KCNJ8: variants seen among roughly 807,000 people sequenced by gnomAD.
The protein encoded by KCNJ8 is potassium inwardly rectifying channel subfamily J member 8, also known as ATP-sensitive inward rectifier potassium channel 8.
Under a neutral mutation model 28.2 loss-of-function variants are expected in KCNJ8, and 13 were observed. The ratio of observed to expected loss-of-function variants is 0.46; its 90% CI spans 0.30 to 0.73. KCNJ8 has a LOEUF of 0.73. KCNJ8 is among the 30% of genes least tolerant of loss of function. The pLI is 0.07. For synonymous variants in KCNJ8, 188 were observed against 195.9 expected (o/e 0.96, Z 0.34); for missense variants, 284 against 542.6 (o/e 0.52, Z 4.73).
chr12:21,767,542 T>A (rs1281224085), intron 2 of KCNJ8, among the ~76,000 whole-genome samples: 2 of 152,156 alleles, frequency 1.3e-5, no homozygotes. Flanking sequence ...CCTCATGATC[T>A]GAGGTGGGAC....
In KCNJ8 at chr12:21,773,465, C is replaced by T; in HGVS notation, c.152G>A (p.Arg51His). The T allele has an allele frequency of 6.2e-7, 1 of 1,614,270 alleles. No homozygotes were observed. Among genetic ancestry groups the T allele is most frequent in the Non-Finnish European group, 8.5e-7 (1 of 1,180,048 alleles). The change falls in exon 2 of 3, where the codon CGT becomes CAT. Residue 51 changes from arginine to histidine, a missense_variant. Around this residue, in one of 8 missense-constraint regions of KCNJ8, gnomAD observed 54 missense variants for 77.5 expected, o/e 0.70. Coordinates refer to ENST00000240662, the MANE Select transcript of KCNJ8 (RefSeq NM_004982.4). The surrounding 1 kb of genome is among the most constrained non-coding windows in gnomAD (Gnocchi z 4.6). The part of the protein sequence containing the change: ...GACNLAHKNI[R>H]EQGRFLQDIF... ...GTCCTGTAGAAAGCGTCCTTGCTCA[C>T]GGATGTTCTTATGCGCCAGGTTGCA...
intron 1 of KCNJ8, among the ~76,000 whole-genome samples, chr12:21,774,321 A>C (rs1375130566): frequency 6.6e-6 from 1 of 151,586 alleles, no homozygotes; most frequent in Non-Finnish European, 1.5e-5. Flanking sequence ...TAATATTATA[A>C]ATTGAAAACT....
chr12:21,772,299 A>T (rs1940778030), intron 2 of KCNJ8, among the ~76,000 whole-genome samples: 1 of 152,170 alleles, frequency 6.6e-6, no homozygotes, highest in Non-Finnish European at 1.5e-5. Flanking sequence ...ATGTTTTGGA[A>T]AATTTTCCAG....
At position 21,765,780 on chromosome 12, in the gene KCNJ8, C is replaced by A; in HGVS notation, c.1218G>T (p.Met406Ile). ...GAGTCATAAATTGCACCTTTGGTAC[C>A]ATGAGGGAAGAATTGTTCCTTCGGA... ...NSIRRNNSSL[M>I]VPKVQFMTPE... The change falls in exon 3 of 3, where the codon ATG (methionine) becomes ATT (isoleucine). Residue 406 changes from methionine (M) to isoleucine (I), a missense_variant. By Grantham distance (10) the Met-to-Ile change is conservative. Transcript: ENST00000240662. 6.2e-7 allele frequency: 1 copy of A among 1,614,120 alleles called. No homozygotes were observed. Among genetic ancestry groups the A allele is most frequent in the East Asian group, 2.2e-5 (1 of 44,880 alleles).
Position 21,773,596 on chromosome 12 carries a change from G to T in KCNJ8, c.21C>A (p.Ile7=). 6.2e-7 allele frequency: 1 copy of T among 1,613,426 alleles called. No homozygotes were observed. The part of the protein sequence containing the change: MLARKS[I]IPEEYVLARI... ...GCGCCAGCACATACTCCTCCGGGAT[G>T]ATACTCTTTCTGGCCAACATCGTCC... Residue 7 remains isoleucine (I), a synonymous_variant, in exon 2 of 3, where the codon ATC becomes ATA. Transcript: ENST00000240662. This position sits in a 1 kb window ranked among gnomAD's most constrained non-coding sequence, Gnocchi z 4.6.
chr12:21,773,133 C>G lies in KCNJ8; in HGVS notation c.374+110G>C. The stretch of plus-strand genomic sequence containing the variant: ...TTTTTTGTTTCTGAAGATTCTAAAA[C>G]AAACCCTTTATTTCACTTTCAATTA... On this transcript the variant is annotated intron_variant, in intron 2 of 2. Coordinates refer to ENST00000240662, the MANE Select transcript of KCNJ8 (RefSeq NM_004982.4). The surrounding 1 kb of genome is among the most constrained non-coding windows in gnomAD (Gnocchi z 4.6). 1 of 1,305,636 alleles carries G rather than the reference C, an allele frequency of 7.7e-7. No individual in the cohort carries two copies. Among genetic ancestry groups the G allele is most frequent in the Non-Finnish European group, 1.1e-6 (1 of 915,934 alleles). 80.9% of individuals were successfully genotyped at this position (1,305,636 alleles called of 1,614,324 possible).
Position 21,773,308 on chromosome 12 carries a change from A to T in KCNJ8, c.309T>A (p.Ala103=), listed in dbSNP as rs2137051886. The T allele has an allele frequency of 6.2e-7, 1 of 1,614,132 alleles. No homozygotes were observed. Among genetic ancestry groups the T allele is most frequent in the East Asian group, 2.2e-5 (1 of 44,874 alleles). The change falls in exon 2 of 3, where the codon GCT becomes GCA. Residue 103 remains alanine (A), a synonymous_variant. Coordinates refer to ENST00000240662, the MANE Select transcript of KCNJ8 (RefSeq NM_004982.4). This position sits in a 1 kb window ranked among gnomAD's most constrained non-coding sequence, Gnocchi z 4.6. ...TCTCCATTCCACTTTTCTCCATGTA[A>T]GCATAGATGTCCCCATGGGCAAAGG... The part of the protein sequence containing the change: ...LVAFAHGDIY[A]YMEKSGMEKS...
intron 2 of KCNJ8, among the ~76,000 whole-genome samples, chr12:21,771,373 C>T (rs1056922528): frequency 6.6e-6 from 1 of 152,092 alleles, no homozygotes; most frequent in Non-Finnish European, 1.5e-5. Flanking sequence ...TTAGCTGTTT[C>T]TTTGTTCTGT....
In KCNJ8 at chr12:21,773,281, T is replaced by C. The variant is rs913826938; in HGVS notation, c.336A>G (p.Lys112=). 2.5e-6 allele frequency: 4 copies of C among 1,613,828 alleles called. No homozygotes were observed. The highest frequency in any genetic ancestry group is 3.4e-6 in the Non-Finnish European group (4 of 1,179,988). Residue 112 remains lysine (K), a synonymous_variant, in exon 2 of 3, where the codon AAA becomes AAG. Coordinates refer to ENST00000240662, the MANE Select transcript of KCNJ8 (RefSeq NM_004982.4). The surrounding 1 kb of genome is among the most constrained non-coding windows in gnomAD (Gnocchi z 4.6). ...CACACACAGTGGACTCCAAACCACT[T>C]TTCTCCATTCCACTTTTCTCCATGT... The part of the protein sequence containing the change: ...YAYMEKSGME[K]SGLESTVCVT...
At position 21,765,948 on chromosome 12, in the gene KCNJ8, A is replaced by G; in HGVS notation, c.1050T>C (p.Ala350=). The change falls in exon 3 of 3, where the codon GCT becomes GCC. Residue 350 remains alanine (A), a synonymous_variant. Transcript: ENST00000240662. ...SKFGNTVKVA[A]PRCSARELDE... is the part of the protein sequence containing the mutation. ...CCAGCTCTCGGGCACTGCACCGTGG[A>G]GCAGCTACTTTAACAGTGTTGCCAA... 8 of 1,614,192 alleles carry G rather than the reference A, an allele frequency of 5.0e-6. No individual in the cohort carries two copies. Among genetic ancestry groups the G allele is most frequent in the Non-Finnish European group, 6.8e-6 (8 of 1,180,006 alleles).
chr12:21,773,882 AAAG>A lies in KCNJ8; in HGVS notation c.-70-199_-70-197del, dbSNP rs557911284. Reference sequence around the variant, plus strand: ...CAGAAAAATTACTTGGTTTTAATAAAAAGAACTGTTTCAATTTTTCTTATTCTG... The same window carrying A: ...CAGAAAAATTACTTGGTTTTAATAAAAACTGTTTCAATTTTTCTTATTCTG... On this transcript the variant is annotated intron_variant, in intron 1 of 2. Coordinates refer to ENST00000240662, the MANE Select transcript of KCNJ8 (RefSeq NM_004982.4). The surrounding 1 kb of genome is among the most constrained non-coding windows in gnomAD (Gnocchi z 4.6). Among the ~76,000 whole-genome samples, 23 of 152,358 alleles carry A rather than the reference AAAG, an allele frequency of 1.5e-4. No homozygotes were observed. The South Asian group carries it at 3.9e-3, about 26-fold the overall frequency.
intron 2 of KCNJ8, among the ~76,000 whole-genome samples, chr12:21,771,144 G>A (rs1486119012): frequency 6.6e-6 from 1 of 152,166 alleles, no homozygotes; most frequent in Non-Finnish European, 1.5e-5. Flanking sequence ...GGACCCCAGA[G>A]AAGGGGTATG....
chr12:21,766,227 A>G lies in KCNJ8; in HGVS notation c.771T>C (p.Asn257=). ...TCAAAGGGGCCACCAGAAAAATGTT[A>G]TTGCTCTCGATTGGGTTATCAACAG... ...DIPVDNPIES[N]NIFLVAPLII... is the part of the protein sequence containing the mutation. Residue 257 remains asparagine (N), a synonymous_variant, in exon 3 of 3, where the codon AAT becomes AAC. Transcript: ENST00000240662. This position sits in a 1 kb window ranked among gnomAD's most constrained non-coding sequence, Gnocchi z 6.5. 6.2e-7 allele frequency: 1 copy of G among 1,614,022 alleles called. No individual in the cohort carries two copies. Among genetic ancestry groups the G allele is most frequent in the Non-Finnish European group, 8.5e-7 (1 of 1,179,986 alleles).
Position 21,766,127 on chromosome 12 carries a change from C to T in KCNJ8, c.871G>A (p.Glu291Lys). ...ACTCCTTCCAGAATAACTATGACCTCCAAGTCTTGGTTGGCCAGGTCAGTT... is the reference window on the plus strand; with the variant it reads ...ACTCCTTCCAGAATAACTATGACCTTCAAGTCTTGGTTGGCCAGGTCAGTT... ...SATDLANQDL[E>K]VIVILEGVVE... Residue 291 changes from glutamate to lysine, a missense_variant, in exon 3 of 3, where the codon GAG (glutamate) becomes AAG (lysine). By Grantham distance (56) the Glu-to-Lys change is moderately conservative. Transcript: ENST00000240662. This position sits in a 1 kb window ranked among gnomAD's most constrained non-coding sequence, Gnocchi z 6.5. 1 of 1,614,164 alleles carries T rather than the reference C, an allele frequency of 6.2e-7. No individual in the cohort carries two copies. The highest frequency in any genetic ancestry group is 8.5e-7 in the Non-Finnish European group (1 of 1,180,022).
chr12:21,770,435 C>T (rs1940731438), intron 2 of KCNJ8, among the ~76,000 whole-genome samples: 1 of 152,122 alleles, frequency 6.6e-6, no homozygotes, highest in African/African-American at 2.4e-5. Context: ...TTGCAATGGT[C>T]TGGAACCAAA....
At position 21,766,836 on chromosome 12, in the gene KCNJ8, T is replaced by C; in HGVS notation, c.375-213A>G. Reference sequence around the variant, plus strand: ...CATCTACCTCCAGACTTCTGGAGATTAACATTCTATTAATTAAGTTCCCTT... The same window carrying C: ...CATCTACCTCCAGACTTCTGGAGATCAACATTCTATTAATTAAGTTCCCTT... On this transcript the variant is annotated intron_variant, in intron 2 of 2. Coordinates refer to ENST00000240662, the MANE Select transcript of KCNJ8 (RefSeq NM_004982.4). This position sits in a 1 kb window ranked among gnomAD's most constrained non-coding sequence, Gnocchi z 6.5. The C allele has an allele frequency of 1.7e-6, 1 of 591,846 alleles. No individual in the cohort carries two copies. Among genetic ancestry groups the C allele is most frequent in the South Asian group, 2.1e-5 (1 of 48,472 alleles). 36.7% of individuals were successfully genotyped at this position (591,846 alleles called of 1,614,324 possible).
intron 2 of KCNJ8, among the ~76,000 whole-genome samples, chr12:21,767,318 C>CA (rs963330355): frequency 8.4e-6 from 1 of 118,970 alleles, no homozygotes; most frequent in African/African-American, 4.1e-5. Context: ...ACCCCCCCCC[C>CA]CCCCACCTCC....
At chr12:21,774,513 C>T (rs539134060) in intron 1 of KCNJ8, 33 bp downstream of exon 1, 1 of 152,024 alleles carries the variant, frequency 6.6e-6, no homozygotes. Context: ...CAGCCTCCCC[C>T]CTCCGCTCCC....
intron 1 of KCNJ8, among the ~76,000 whole-genome samples, chr12:21,774,330 CTTTT>C (rs113701092): frequency 3.2e-5 from 4 of 126,922 alleles, no homozygotes; most frequent in African/African-American, 5.7e-5. Context: ...AAATTGAAAA[CTTTT>C]TTTTTTTTTT....
Sources: gnomAD v4.1 joint callset for allele counts (sites outside exome capture counted in the v4.1 genomes callset) on GRCh38, gnomAD v4.1.1 for gene constraint, gnomAD v4.1.1 regional missense constraint, Gnocchi (gnomAD v3.1) non-coding constraint, MANE v1.5 for transcripts, NCBI Gene and HGNC (gene_info 2026-07-23, HGNC 2026-07-21) for gene names.